GPC6: variants seen among roughly 807,000 people sequenced by gnomAD.
GPC6 encodes glypican-6.
Under a neutral mutation model 55.2 loss-of-function variants are expected in GPC6, and 14 were observed. That is an observed-to-expected ratio of 0.25 (90% CI 0.17 to 0.40). GPC6 has a LOEUF of 0.40. Ranked by LOEUF, GPC6 falls within the 10% of genes least tolerant of loss-of-function variation. The pLI, the probability that GPC6 is intolerant of heterozygous loss-of-function variation, is 1.00. For synonymous variants in GPC6, 278 were observed against 259.6 expected, an observed-to-expected ratio of 1.07 and a Z score of -0.68; for missense variants, 641 against 708.5, an observed-to-expected ratio of 0.90 and a Z score of 1.08.
intron 2 of GPC6, among the ~76,000 whole-genome samples, chr13:93,790,829 G>A (rs1886008549): frequency 6.6e-6 from 1 of 152,170 alleles, no homozygotes; most frequent in Non-Finnish European, 1.5e-5. Flanking sequence ...TGGAGAATGA[G>A]AATGTCTGCT....
At chr13:93,735,520 CA>C (rs35851863) in intron 2 of GPC6, among the ~76,000 whole-genome samples, 213 of 123,344 alleles carry the variant, frequency 1.7e-3, no homozygotes, top group Non-Finnish European at 1.6e-3. Flanking sequence ...GACTCCATCT[CA>C]AAAAAAAAAA....
intron 4 of GPC6, among the ~76,000 whole-genome samples, chr13:94,111,977 G>A (rs1886266204): frequency 6.6e-6 from 1 of 152,044 alleles, no homozygotes; most frequent in African/African-American, 2.4e-5. Flanking sequence ...ACATAACCAT[G>A]ATCTCCAGCT....
At chr13:93,492,736 T>C (rs891122005) in intron 1 of GPC6, among the ~76,000 whole-genome samples, 7 of 151,324 alleles carry the variant, frequency 4.6e-5, no homozygotes, top group Non-Finnish European at 5.9e-5. Context: ...CATGAAGGGT[T>C]GTTGAATTTT....
intron 3 of GPC6, among the ~76,000 whole-genome samples, chr13:93,833,196 G>A (rs1159272676): frequency 6.6e-6 from 1 of 151,304 alleles, no homozygotes; most frequent in African/African-American, 2.4e-5. Context: ...GAAAGAAGCT[G>A]AGCAATGCTT....
intron 2 of GPC6, among the ~76,000 whole-genome samples, chr13:93,723,761 G>A (rs1282012097): frequency 6.6e-6 from 1 of 151,896 alleles, no homozygotes; most frequent in African/African-American, 2.4e-5. Flanking sequence ...TTTGAGTGTG[G>A]GTGTAGAGGA....
chr13:93,946,969 T>G (rs2140368914), intron 3 of GPC6, among the ~76,000 whole-genome samples: 1 of 152,328 alleles, frequency 6.6e-6, no homozygotes, highest in African/African-American at 2.4e-5. Context: ...TCTAGAAATT[T>G]CTGACCTTGA....
chr13:93,880,080 G>A (rs950302890), intron 3 of GPC6, among the ~76,000 whole-genome samples: 29 of 151,852 alleles, frequency 1.9e-4, no homozygotes, highest in Non-Finnish European at 3.5e-4. Flanking sequence ...TGCTGGAGAG[G>A]ATGTGGAGAA....
intron 2 of GPC6, among the ~76,000 whole-genome samples, chr13:93,792,157 A>G (rs1886059376): frequency 6.6e-6 from 1 of 152,256 alleles, no homozygotes; most frequent in African/African-American, 2.4e-5. Context: ...AGCAGAGGGC[A>G]GAAAGCCCCA....
At chr13:94,334,545 G>A (rs1053953875) in intron 6 of GPC6, among the ~76,000 whole-genome samples, 5 of 152,184 alleles carry the variant, frequency 3.3e-5, no homozygotes, top group African/African-American at 9.7e-5. Context: ...ATGGTTCCTG[G>A]GACAACAGCA....
intron 4 of GPC6, among the ~76,000 whole-genome samples, chr13:94,066,084 G>C (rs1884505682): frequency 6.6e-6 from 1 of 152,068 alleles, no homozygotes; most frequent in Admixed American, 6.6e-5. Context: ...TTCTCAGATG[G>C]TGCTCAGTGA....
intron 2 of GPC6, among the ~76,000 whole-genome samples, chr13:93,757,428 C>T (rs1459070092): frequency 6.6e-6 from 1 of 152,132 alleles, no homozygotes; most frequent in Non-Finnish European, 1.5e-5. Flanking sequence ...ACAGAGAACT[C>T]AGGTGTTAGG....
chr13:93,998,137 T>G (rs888229130), intron 3 of GPC6, among the ~76,000 whole-genome samples: 2 of 152,228 alleles, frequency 1.3e-5, no homozygotes, highest in Non-Finnish European at 2.9e-5. Context: ...TCACTGAACT[T>G]GGAATTTAAA....
At chr13:93,347,192 T>A (rs2139158895) in intron 1 of GPC6, among the ~76,000 whole-genome samples, 1 of 152,288 alleles carries the variant, frequency 6.6e-6, no homozygotes, top group East Asian at 1.9e-4. Context: ...AATAAATTCT[T>A]TAATAGTGAA....
intron 2 of GPC6, among the ~76,000 whole-genome samples, chr13:93,548,232 G>C (rs1449182256): frequency 2.0e-5 from 3 of 152,080 alleles, no homozygotes; most frequent in Non-Finnish European, 2.9e-5. Flanking sequence ...CTCTGTTTCT[G>C]CTTTCTCAGA....
intron 3 of GPC6, among the ~76,000 whole-genome samples, chr13:93,861,347 A>G (rs1436106319): frequency 6.6e-6 from 1 of 151,328 alleles, no homozygotes; most frequent in Non-Finnish European, 1.5e-5. Context: ...AGACAAAAGT[A>G]TGTATAATTT....
At chr13:93,996,293 G>A (rs146621626) in intron 3 of GPC6, among the ~76,000 whole-genome samples, 1 of 152,280 alleles carries the variant, frequency 6.6e-6, no homozygotes, top group East Asian at 1.9e-4. Context: ...TATGAATACA[G>A]GCCCCTTTGG....
At chr13:93,743,730 TA>T (rs942397196) in intron 2 of GPC6, among the ~76,000 whole-genome samples, 12 of 152,180 alleles carry the variant, frequency 7.9e-5, no homozygotes, top group African/African-American at 2.9e-4. Context: ...TCTTAAGAAT[TA>T]AAATTTATTA....
At chr13:93,482,358 AT>A (rs1175378349) in intron 1 of GPC6, among the ~76,000 whole-genome samples, 1 of 151,952 alleles carries the variant, frequency 6.6e-6, no homozygotes, top group Non-Finnish European at 1.5e-5. Flanking sequence ...ATGCTTTTTA[AT>A]TTCTTTTCCT....
At chr13:93,627,128 A>T (rs181823927) in intron 2 of GPC6, among the ~76,000 whole-genome samples, 1 of 152,096 alleles carries the variant, frequency 6.6e-6, no homozygotes, top group Non-Finnish European at 1.5e-5. Flanking sequence ...TACATTAGGT[A>T]TTTCTCCTAA....
Sources: allele counts gnomAD v4.1 joint callset (sites outside exome capture counted in the v4.1 genomes callset), GRCh38; gene constraint gnomAD v4.1.1; transcripts MANE v1.5; gene names NCBI Gene and HGNC (gene_info 2026-07-23, HGNC 2026-07-21).